Variants in FIP1L1 observed in about 807,000 individuals in gnomAD.
FIP1L1 encodes factor interacting with PAPOLA and CPSF1, also known as pre-mRNA 3'-end-processing factor FIP1.
A neutral mutation model predicts 84.6 loss-of-function variants in FIP1L1; 21 were observed. The observed-to-expected ratio is 0.25, with a 90% CI of 0.18 to 0.36. The LOEUF (loss-of-function observed/expected upper bound fraction) is 0.36. Ranked by LOEUF, FIP1L1 falls within the 10% of genes least tolerant of loss-of-function variation. FIP1L1 has a pLI of 1.00. For missense variants in FIP1L1, 526 were observed against 751.1 expected (o/e 0.70, Z 3.50); for synonymous variants, 263 against 242.3 (o/e 1.09, Z -0.80).
chr4:53,389,144 A>G (rs1742780107), intron 5 of FIP1L1, among the ~76,000 whole-genome samples: 1 of 152,172 alleles, frequency 6.6e-6, no homozygotes, highest in Non-Finnish European at 1.5e-5. Context: ...TTCTGCTTTC[A>G]TGCTAGACTT....
chr4:53,408,788 G>A (rs368761905), intron 10 of FIP1L1, among the ~76,000 whole-genome samples: 11 of 152,066 alleles, frequency 7.2e-5, no homozygotes, highest in Admixed American at 1.3e-4. Context: ...TGATCACCTC[G>A]GCTCCTGAGG....
At chr4:53,444,139 G>C (rs751187197) in intron 15 of FIP1L1, 36 bp downstream of exon 15, 1 of 1,326,502 alleles carries the variant, frequency 7.5e-7, no homozygotes, top group Non-Finnish European at 1.1e-6. Flanking sequence ...GATTCAGTTT[G>C]AATCAGTAAA....
chr4:53,457,827 A>G (rs550181667), intron 16 of FIP1L1, among the ~76,000 whole-genome samples: 3 of 152,300 alleles, frequency 2.0e-5, no homozygotes, highest in African/African-American at 7.2e-5. Flanking sequence ...ATAAAGAGAA[A>G]GATGGAAAGA....
At chr4:53,405,288 T>G (rs1221000951) in intron 10 of FIP1L1, among the ~76,000 whole-genome samples, 2 of 152,096 alleles carry the variant, frequency 1.3e-5, no homozygotes, top group African/African-American at 4.8e-5. Flanking sequence ...TTGCTTGTTT[T>G]TCTCAGGTTT....
chr4:53,401,166 G>T lies in FIP1L1; in HGVS notation c.815+1327G>T, dbSNP rs115280402. On this transcript the variant is annotated intron_variant, in intron 10 of 17. Transcript: ENST00000337488. ...TTTATGTAAAGTGTTTTAGAACAGTGCTGGTACCTAGAAAATACTCTAGAT... is the reference window on the plus strand; with the variant it reads ...TTTATGTAAAGTGTTTTAGAACAGTTCTGGTACCTAGAAAATACTCTAGAT... 8.8e-3 allele frequency among the ~76,000 whole-genome samples: 1,341 copies of T among 152,290 alleles called. 21 individuals carry two copies. The highest frequency in any genetic ancestry group is 0.03 in the African/African-American group (1,264 of 41,536).
At chr4:53,396,656 G>T (rs1403500163) in intron 9 of FIP1L1, among the ~76,000 whole-genome samples, 1 of 151,926 alleles carries the variant, frequency 6.6e-6, no homozygotes, top group South Asian at 2.1e-4. Flanking sequence ...CACCCACCTC[G>T]GCCTCCCAAA....
chr4:53,393,839 G>A (rs1745807032), intron 9 of FIP1L1, among the ~76,000 whole-genome samples: 1 of 127,506 alleles, frequency 7.8e-6, no homozygotes, highest in African/African-American at 2.9e-5. Flanking sequence ...TTACAGTTAT[G>A]TGTCTTGGTC....
At chr4:53,391,551 G>C in intron 9 of FIP1L1, 53 bp downstream of exon 9, 1 of 1,291,528 alleles carries the variant, frequency 7.7e-7, no homozygotes, top group Non-Finnish European at 1.1e-6. Context: ...TCTTGAGTCT[G>C]CTCCCATGCC....
chr4:53,431,643 G>C (rs1470107382), intron 13 of FIP1L1, among the ~76,000 whole-genome samples: 1 of 151,562 alleles, frequency 6.6e-6, no homozygotes, highest in Non-Finnish European at 1.5e-5. Flanking sequence ...CAAATAAATA[G>C]GGTGACCATA....
At chr4:53,395,732 T>A (rs748609648) in intron 9 of FIP1L1, among the ~76,000 whole-genome samples, 4 of 152,094 alleles carry the variant, frequency 2.6e-5, no homozygotes, top group Non-Finnish European at 5.9e-5. Flanking sequence ...AGTGATGGAA[T>A]TTTGTGTGTG....
chr4:53,383,048 G>A lies in FIP1L1; in HGVS notation c.228+713G>A, dbSNP rs1738935196. Among the ~76,000 whole-genome samples the A allele has an allele frequency of 2.7e-5, 4 of 150,830 alleles. No homozygotes were observed. The South Asian group carries it at 8.4e-4, about 32-fold the overall frequency. Reference sequence around the variant, plus strand: ...TTTTTTTAATTCTTTAATTGATTTGGTACATTGTATTTGTGACACTGTGAA... The same window carrying A: ...TTTTTTTAATTCTTTAATTGATTTGATACATTGTATTTGTGACACTGTGAA... On this transcript the variant is annotated intron_variant, in intron 4 of 17. Transcript: ENST00000337488.
intron 13 of FIP1L1, 145 bp downstream of exon 13, chr4:53,428,328 G>GAT (rs745925135): frequency 1.6e-5 from 11 of 684,362 alleles, no homozygotes; most frequent in Middle Eastern, 2.8e-4. Context: ...CACTGAAACA[G>GAT]ATATATATAT....
At chr4:53,406,124 A>C (rs1175043973) in intron 10 of FIP1L1, among the ~76,000 whole-genome samples, 1 of 152,138 alleles carries the variant, frequency 6.6e-6, no homozygotes, top group African/African-American at 2.4e-5. Context: ...TTGCCCATTC[A>C]GTTTGATATT....
At chr4:53,387,358 A>G (rs538808443) in intron 5 of FIP1L1, among the ~76,000 whole-genome samples, 2 of 152,330 alleles carry the variant, frequency 1.3e-5, no homozygotes, top group Admixed American at 6.5e-5. Flanking sequence ...GGAGGAGATA[A>G]AGGGCTCAGT....
At chr4:53,402,079 T>C (rs1352276741) in intron 10 of FIP1L1, among the ~76,000 whole-genome samples, 2 of 152,146 alleles carry the variant, frequency 1.3e-5, no homozygotes, top group Admixed American at 1.3e-4. Context: ...AAACCCACTG[T>C]ATGTCTTGAA....
At chr4:53,396,851 T>A (rs1277393619) in intron 9 of FIP1L1, among the ~76,000 whole-genome samples, 1 of 152,244 alleles carries the variant, frequency 6.6e-6, no homozygotes, top group Non-Finnish European at 1.5e-5. Context: ...AAATAACCAG[T>A]GAACCATTTA....
Position 53,453,076 on chromosome 4 carries a change from G to A in FIP1L1, c.1442G>A (p.Arg481His). ...RDRDRDRERE[R>H]TRERERERDH... ...CGTGATCGGGACAGAGAAAGAGAAC[G>A]CACCAGAGAGAGAGAGAGGGAGCGT... is the stretch of plus-strand genomic sequence containing the variant. The change falls in exon 16 of 18, where the codon CGC (arginine) becomes CAC (histidine). Residue 481 changes from arginine (R) to histidine (H), a missense_variant. Coordinates refer to ENST00000337488, the MANE Select transcript of FIP1L1 (RefSeq NM_030917.4). 4 of 1,612,944 alleles carry A rather than the reference G, an allele frequency of 2.5e-6. No individual in the cohort carries two copies. Among genetic ancestry groups the A allele is most frequent in the East Asian group, 2.2e-5 (1 of 44,870 alleles).
At chr4:53,384,017 A>G (rs1271981052) in intron 5 of FIP1L1, 141 bp downstream of exon 5, 2 of 816,702 alleles carry the variant, frequency 2.4e-6, no homozygotes, top group Admixed American at 2.8e-5. Flanking sequence ...AAGTTTCATC[A>G]TGAATATACT....
At chr4:53,393,840 T>A (rs1330669307) in intron 9 of FIP1L1, among the ~76,000 whole-genome samples, 1 of 146,758 alleles carries the variant, frequency 6.8e-6, no homozygotes, top group East Asian at 2.1e-4. Context: ...TACAGTTATG[T>A]GTCTTGGTCT....
Sources: allele counts gnomAD v4.1 joint callset (sites outside exome capture counted in the v4.1 genomes callset), GRCh38; gene constraint gnomAD v4.1.1; transcripts MANE v1.5; gene names NCBI Gene and HGNC (gene_info 2026-07-23, HGNC 2026-07-21).